Variants in SLC39A10 observed in about 807,000 individuals in gnomAD.
SLC39A10 encodes the protein solute carrier family 39 member 10.
SLC39A10 carries 13 observed loss-of-function variants against 65.1 expected under a neutral mutation model. The observed-to-expected ratio is 0.20, with a 90% CI of 0.13 to 0.32. The LOEUF (loss-of-function observed/expected upper bound fraction) is 0.32, where lower values mean the gene tolerates loss of function less well. Among genes scored for constraint, SLC39A10 ranks in the 10% least tolerant of loss-of-function variants. The pLI is 1.00. For synonymous variants in SLC39A10, 321 were observed against 342.2 expected (o/e 0.94, Z 0.68); for missense variants, 831 against 1,018.4 (o/e 0.82, Z 2.50).
At chr2:195,617,161 A>G (rs1182941045) in intron 2 of SLC39A10, among the ~76,000 whole-genome samples, 2 of 152,202 alleles carry the variant, frequency 1.3e-5, no homozygotes, top group African/African-American at 4.8e-5. Context: ...TTTACTTTTA[A>G]GTATTTGATC....
intron 2 of SLC39A10, among the ~76,000 whole-genome samples, chr2:195,641,173 T>A (rs1342188857): frequency 6.6e-6 from 1 of 152,120 alleles, no homozygotes; most frequent in African/African-American, 2.4e-5. Flanking sequence ...GATACATGTG[T>A]AAGTGTATAG....
At chr2:195,693,297 T>G (rs1484460646) in intron 3 of SLC39A10, among the ~76,000 whole-genome samples, 1 of 152,170 alleles carries the variant, frequency 6.6e-6, no homozygotes, top group African/African-American at 2.4e-5. Flanking sequence ...TTTTTTGTTA[T>G]GTCCTTCTCT....
In SLC39A10 at chr2:195,680,424, C is replaced by G; in HGVS notation, c.382C>G (p.His128Asp). The G allele has an allele frequency of 6.2e-7, 1 of 1,614,024 alleles. No homozygotes were observed. Among genetic ancestry groups the G allele is most frequent in the Non-Finnish European group, 8.5e-7 (1 of 1,180,010 alleles). The stretch of plus-strand genomic sequence containing the variant: ...GGGAAAGCATTTTCACTCACATAAC[C>G]ACCAGCATTCCCATAATCATTTAAA... The part of the protein sequence containing the change: ...QEGKHFHSHN[H>D]QHSHNHLNSE... Residue 128 changes from histidine (H) to aspartate (D), a missense_variant, in exon 2 of 10, where the codon CAC becomes GAC. This residue lies in a region of SLC39A10 where 446 missense variants were observed against 499.2 expected (regional missense o/e 0.89). Transcript: ENST00000359634.
At position 195,708,878 on chromosome 2, in the gene SLC39A10, TA is replaced by T. The variant is rs779444782; in HGVS notation, c.1575+38del. On this transcript the variant is annotated intron_variant, in intron 5 of 9. Coordinates refer to ENST00000359634, the MANE Select transcript of SLC39A10 (RefSeq NM_020342.3). ...TTTTTATTTATTTAATTTTATACCA[TA>T]AAACTCAAAACAAAAATTATCCTTT... 2.3e-5 allele frequency: 35 copies of T among 1,491,060 alleles called. No homozygotes were observed. In the African/African-American group the frequency reaches 4.7e-4, roughly 20 times the overall value. The allele number at this position is 1,491,060 out of a possible 1,614,324, so 92.4% of individuals were successfully genotyped here.
At chr2:195,672,193 C>T (rs751335613) in intron 1 of SLC39A10, among the ~76,000 whole-genome samples, 4 of 152,210 alleles carry the variant, frequency 2.6e-5, no homozygotes, top group Non-Finnish European at 4.4e-5. Context: ...CAGCACAGCA[C>T]GATCTTGGCT....
At chr2:195,715,894 A>T (rs1336990976) in intron 6 of SLC39A10, among the ~76,000 whole-genome samples, 1 of 152,262 alleles carries the variant, frequency 6.6e-6, no homozygotes, top group East Asian at 1.9e-4. Flanking sequence ...TGGGGTGGTT[A>T]TACCAGCCAG....
At chr2:195,629,460 A>G (rs1395668440) in intron 2 of SLC39A10, among the ~76,000 whole-genome samples, 1 of 151,562 alleles carries the variant, frequency 6.6e-6, no homozygotes, top group Non-Finnish European at 1.5e-5. Flanking sequence ...TACACAGTTT[A>G]TAGCCAGGTC....
At position 195,657,244 on chromosome 2, in the gene SLC39A10, C is replaced by G; in HGVS notation, c.-49C>G. On this transcript the variant is annotated 5_prime_UTR_variant, in exon 1 of 10. Coordinates refer to ENST00000359634, the MANE Select transcript of SLC39A10 (RefSeq NM_020342.3). ...ATTTGGTGCAGCCGGGGTTTGGTAC[C>G]GAGCGGAGAGGAGATGCACACGGCA... The G allele has an allele frequency of 3.4e-6, 1 of 294,114 alleles. No homozygotes were observed. Among genetic ancestry groups the G allele is most frequent in the Non-Finnish European group, 5.1e-6 (1 of 197,866 alleles). The allele number at this position is 294,114 out of a possible 1,614,324, so 18.2% of individuals were successfully genotyped here.
At chr2:195,639,479 A>G (rs1460523025) in intron 2 of SLC39A10, among the ~76,000 whole-genome samples, 1 of 152,086 alleles carries the variant, frequency 6.6e-6, no homozygotes, top group Non-Finnish European at 1.5e-5. Context: ...TTCCACTTTA[A>G]AGTTACTCTT....
intron 1 of SLC39A10, among the ~76,000 whole-genome samples, chr2:195,660,537 A>G (rs761854406): frequency 1.3e-5 from 2 of 152,222 alleles, no homozygotes; most frequent in Non-Finnish European, 2.9e-5. Flanking sequence ...TTAAATTACA[A>G]TTAGATTTAC....
chr2:195,678,215 C>T (rs762576918), intron 1 of SLC39A10, among the ~76,000 whole-genome samples: 5 of 152,202 alleles, frequency 3.3e-5, no homozygotes, highest in African/African-American at 7.2e-5. Context: ...TCAGAAGATA[C>T]AATCTCTAAT....
chr2:195,690,564 G>A lies in SLC39A10; in HGVS notation c.1216+6658G>A, dbSNP rs1363152791. On this transcript the variant is annotated intron_variant, in intron 3 of 9. Coordinates refer to ENST00000359634, the MANE Select transcript of SLC39A10 (RefSeq NM_020342.3). The stretch of plus-strand genomic sequence containing the variant: ...ACTTGTTTTCTTGATAGTAGTCATC[G>A]TAATGGTGTGAGGTGGTATCTCATT... 2.0e-5 allele frequency among the ~76,000 whole-genome samples: 3 copies of A among 152,074 alleles called. No individual in the cohort carries two copies. The East Asian group carries it at 5.8e-4, about 29-fold the overall frequency.
intron 3 of SLC39A10, among the ~76,000 whole-genome samples, chr2:195,704,721 C>T (rs1449090179): frequency 3.9e-5 from 6 of 152,070 alleles, no homozygotes; most frequent in Non-Finnish European, 5.9e-5. Flanking sequence ...ATCAGCTCCC[C>T]GCGGTTTGTC....
intron 2 of SLC39A10, among the ~76,000 whole-genome samples, chr2:195,647,017 C>T (rs571381533): frequency 6.6e-6 from 1 of 152,272 alleles, no homozygotes; most frequent in Admixed American, 6.5e-5. Context: ...TGTCATTTCT[C>T]TTTATCTTCC....
chr2:195,666,733 A>G (rs1689652984), intron 1 of SLC39A10, among the ~76,000 whole-genome samples: 1 of 152,206 alleles, frequency 6.6e-6, no homozygotes, highest in East Asian at 1.9e-4. Context: ...AAGTGCTGGG[A>G]TTACAGGTGT....
At chr2:195,669,655 TAGCTTGGCATTTTAC>T (rs1689774337) in intron 1 of SLC39A10, among the ~76,000 whole-genome samples, 1 of 152,208 alleles carries the variant, frequency 6.6e-6, no homozygotes, top group South Asian at 2.1e-4. Context: ...TTAAAATTTG[TAGCTTGGCATTTTAC>T]ACATTTCAAA....
chr2:195,656,913 G>C (rs1031330408), upstream of SLC39A10: 6 of 152,274 alleles, frequency 3.9e-5, no homozygotes, highest in African/African-American at 9.6e-5. Context: ...ACTCCCCCGC[G>C]GCGTTCTTTC....
chr2:195,687,178 G>A (rs963472434), intron 3 of SLC39A10, among the ~76,000 whole-genome samples: 1 of 152,164 alleles, frequency 6.6e-6, no homozygotes, highest in Non-Finnish European at 1.5e-5. Context: ...TCAGGTGCCT[G>A]TAAATTCTCA....
chr2:195,708,578 T>G, intron 4 of SLC39A10, 78 bp from the exon 5 acceptor site: 2 of 1,092,194 alleles, frequency 1.8e-6, no homozygotes, highest in South Asian at 4.1e-5. Context: ...ATTTAGGAGA[T>G]TATAATTATT....
Sources: gnomAD v4.1 joint callset for allele counts (sites outside exome capture counted in the v4.1 genomes callset) on GRCh38, gnomAD v4.1.1 for gene constraint, gnomAD v4.1.1 regional missense constraint, MANE v1.5 for transcripts, NCBI Gene and HGNC (gene_info 2026-07-23, HGNC 2026-07-21) for gene names.